LRTM1: variants seen among roughly 807,000 people sequenced by gnomAD.
LRTM1 encodes the protein leucine-rich repeat and transmembrane domain-containing protein 1.
Under a neutral mutation model 32.4 loss-of-function variants are expected in LRTM1, and 38 were observed. The ratio of observed to expected loss-of-function variants is 1.17; its 90% CI spans 0.91 to 1.54. The LOEUF (loss-of-function observed/expected upper bound fraction) is 1.54, where lower values mean the gene tolerates loss of function less well. Among genes scored for constraint, LRTM1 ranks in the 40% most tolerant of loss-of-function variants. LRTM1 has a pLI of 0.00. For synonymous variants in LRTM1, 186 were observed against 169.9 expected (o/e 1.09, Z -0.74); for missense variants, 466 against 415.4 (o/e 1.12, Z -1.06).
chr3:54,946,626 A>G (rs916235648), intron 1 of LRTM1, among the ~76,000 whole-genome samples: 1 of 152,284 alleles, frequency 6.6e-6, no homozygotes, highest in South Asian at 2.1e-4. Flanking sequence ...AAATAATGAC[A>G]GGAGAGCCGT....
intron 1 of LRTM1, among the ~76,000 whole-genome samples, chr3:54,940,821 T>C (rs1180720029): frequency 6.6e-6 from 1 of 152,160 alleles, no homozygotes; most frequent in Non-Finnish European, 1.5e-5. Flanking sequence ...GAAACCCATA[T>C]GCAAAAAAGG....
intron 1 of LRTM1, among the ~76,000 whole-genome samples, chr3:54,935,434 G>T (rs1701303997): frequency 6.6e-6 from 1 of 152,186 alleles, no homozygotes; most frequent in Non-Finnish European, 1.5e-5. Flanking sequence ...ATAAACATAG[G>T]CAGATGCTAG....
intron 2 of LRTM1, among the ~76,000 whole-genome samples, chr3:54,921,868 T>C (rs910429542): frequency 6.6e-6 from 1 of 152,242 alleles, no homozygotes; most frequent in East Asian, 1.9e-4. Flanking sequence ...GTTATGTCGG[T>C]TAGCCTGCCC....
rs572299499 is a variant in LRTM1 at position 54,951,295 on chromosome 3, A to C, written c.-222+15633T>G. ...AAATCCTGCCAGATACCTCTGTAAT[A>C]GCCAAGCCGCAGACAAGATAAAGAA... On this transcript the variant is annotated intron_variant, in intron 1 of 2. Coordinates refer to the LRTM1 transcript ENST00000493075. Among the ~76,000 whole-genome samples, 60 of 152,340 alleles carry C rather than the reference A, an allele frequency of 3.9e-4. No individual in the cohort carries two copies. The South Asian group carries it at 0.012, about 30-fold the overall frequency.
chr3:54,960,180 G>A (rs1701997672), intron 1 of LRTM1, among the ~76,000 whole-genome samples: 1 of 152,086 alleles, frequency 6.6e-6, no homozygotes, highest in African/African-American at 2.4e-5. Context: ...CAGCAGGTAG[G>A]GATGGTTACA....
intron 1 of LRTM1, among the ~76,000 whole-genome samples, chr3:54,959,458 A>G (rs1243903720): frequency 6.6e-6 from 1 of 152,126 alleles, no homozygotes; most frequent in Non-Finnish European, 1.5e-5. Context: ...GTGCTATTTT[A>G]TATTAAATAA....
chr3:54,922,909 C>T (rs188870058), intron 2 of LRTM1, among the ~76,000 whole-genome samples: 1 of 152,206 alleles, frequency 6.6e-6, no homozygotes, highest in East Asian at 1.9e-4. Flanking sequence ...ATAGACTTTC[C>T]CATAATTATG....
At position 54,951,304 on chromosome 3, in the gene LRTM1, G is replaced by T. The variant is rs541200917; in HGVS notation, c.-222+15624C>A. Among the ~76,000 whole-genome samples, 5 of 152,298 alleles carry T rather than the reference G, an allele frequency of 3.3e-5. No individual in the cohort carries two copies. The South Asian group carries it at 1.0e-3, about 32-fold the overall frequency. On this transcript the variant is annotated intron_variant, in intron 1 of 2. Coordinates refer to the LRTM1 transcript ENST00000493075. The stretch of plus-strand genomic sequence containing the variant: ...CAGATACCTCTGTAATAGCCAAGCC[G>T]CAGACAAGATAAAGAAGACCCATCT...
At chr3:54,960,884 T>G (rs767512775) in intron 1 of LRTM1, among the ~76,000 whole-genome samples, 6 of 152,248 alleles carry the variant, frequency 3.9e-5, no homozygotes, top group Non-Finnish European at 7.3e-5. Flanking sequence ...GGTAAGTCAT[T>G]TATCTTGGAC....
At chr3:54,956,490 A>G (rs6794724) in intron 1 of LRTM1, among the ~76,000 whole-genome samples, 48,314 of 152,058 alleles carry the variant, frequency 0.32, 8,369 homozygotes, top group Middle Eastern at 0.48. Context: ...CATGGGCCAC[A>G]TGGTCTTAAC....
chr3:54,927,830 G>T (rs371361486), intron 1 of LRTM1, 75 bp downstream of exon 1: 4 of 1,475,908 alleles, frequency 2.7e-6, no homozygotes, highest in Admixed American at 1.7e-5. Flanking sequence ...TAGATTTCCC[G>T]CAGATACCTT....
At chr3:54,929,643 G>T (rs1048355734), upstream of LRTM1, among the ~76,000 whole-genome samples, 1 of 151,890 alleles carries the variant, frequency 6.6e-6, no homozygotes, top group Non-Finnish European at 1.5e-5. Context: ...ACATTTTTTT[G>T]AGCATCACAC....
chr3:54,942,332 C>T (rs1029873108), intron 1 of LRTM1, among the ~76,000 whole-genome samples: 4 of 152,182 alleles, frequency 2.6e-5, no homozygotes, highest in Admixed American at 2.6e-4. Context: ...TAGGGGCTGA[C>T]CTCTCCCCCT....
At chr3:54,945,500 G>A (rs1460153867) in intron 1 of LRTM1, among the ~76,000 whole-genome samples, 1 of 152,174 alleles carries the variant, frequency 6.6e-6, no homozygotes, top group Admixed American at 6.5e-5. Flanking sequence ...TGTCTTTTAG[G>A]TGCCTATCCA....
At chr3:54,959,040 G>T (rs1355437719) in intron 1 of LRTM1, among the ~76,000 whole-genome samples, 1 of 152,200 alleles carries the variant, frequency 6.6e-6, no homozygotes, top group Non-Finnish European at 1.5e-5. Context: ...GGTCGAGGCT[G>T]CAGTGAGCCA....
At chr3:54,960,737 C>T (rs1268797259) in intron 1 of LRTM1, among the ~76,000 whole-genome samples, 1 of 152,168 alleles carries the variant, frequency 6.6e-6, no homozygotes, top group Non-Finnish European at 1.5e-5. Flanking sequence ...CTCAGTTTTG[C>T]CCAAATTAGT....
At chr3:54,955,008 A>G (rs1300407158) in intron 1 of LRTM1, among the ~76,000 whole-genome samples, 1 of 152,214 alleles carries the variant, frequency 6.6e-6, no homozygotes, top group Admixed American at 6.5e-5. Flanking sequence ...TGAGAGGTGT[A>G]GAGAAAACTT....
upstream of LRTM1, among the ~76,000 whole-genome samples, chr3:54,931,816 C>G (rs1409141718): frequency 6.6e-6 from 1 of 152,148 alleles, no homozygotes; most frequent in African/African-American, 2.4e-5. Flanking sequence ...ATTAACCCTA[C>G]AATAAAATTG....
chr3:54,922,597 G>T lies in LRTM1; in HGVS notation c.604+2022C>A, dbSNP rs1401630977. Among the ~76,000 whole-genome samples, 5 of 152,116 alleles carry T rather than the reference G, an allele frequency of 3.3e-5. No homozygotes were observed. In the East Asian group the frequency reaches 9.6e-4, roughly 29 times the overall value. On this transcript the variant is annotated intron_variant, in intron 2 of 2. Coordinates refer to ENST00000273286, the MANE Select transcript of LRTM1 (RefSeq NM_020678.4). ...TTCAATATCGTACGTTTTAACCCATGTTGTATTCACCCTAACCTCATTCCC... is the reference window on the plus strand; with the variant it reads ...TTCAATATCGTACGTTTTAACCCATTTTGTATTCACCCTAACCTCATTCCC...
Sources: allele counts gnomAD v4.1 joint callset (sites outside exome capture counted in the v4.1 genomes callset), GRCh38; gene constraint gnomAD v4.1.1; transcripts MANE v1.5; gene names NCBI Gene and HGNC (gene_info 2026-07-23, HGNC 2026-07-21).